Variants in HS2ST1 observed in about 807,000 individuals in gnomAD.
The protein encoded by HS2ST1 is 2-O-sulfotransferase.
HS2ST1 carries 18 observed loss-of-function variants against 42.9 expected under a neutral mutation model. That is an observed-to-expected ratio of 0.42 (90% CI 0.29 to 0.62). The LOEUF is 0.62. Among genes scored for constraint, HS2ST1 ranks in the 20% least tolerant of loss-of-function variants. The pLI is 0.21. For missense variants in HS2ST1, 334 were observed against 433.8 expected (o/e 0.77, Z 2.04); for synonymous variants, 146 against 152.9 (o/e 0.95, Z 0.33).
At chr1:87,084,836 GTCACTCAC>G (rs66857719) in intron 3 of HS2ST1, among the ~76,000 whole-genome samples, 33 of 143,152 alleles carry the variant, frequency 2.3e-4, no homozygotes, top group East Asian at 4.1e-4. Flanking sequence ...CTCCCTCCCT[GTCACTCAC>G]TCACTCACTC....
chr1:87,101,285 C>T (rs948439086), intron 5 of HS2ST1, among the ~76,000 whole-genome samples: 5 of 150,952 alleles, frequency 3.3e-5, no homozygotes, highest in African/African-American at 1.2e-4. Context: ...CCTGCCTCAG[C>T]CTCCTGAGTA....
chr1:87,089,036 C>T (rs1028776529), intron 3 of HS2ST1, among the ~76,000 whole-genome samples: 2 of 151,968 alleles, frequency 1.3e-5, no homozygotes, highest in African/African-American at 4.8e-5. Flanking sequence ...CATAATGATT[C>T]CCAAAGGCCA....
chr1:87,086,138 G>A (rs1021294716), intron 3 of HS2ST1, among the ~76,000 whole-genome samples: 1 of 152,100 alleles, frequency 6.6e-6, no homozygotes, highest in Non-Finnish European at 1.5e-5. Context: ...CTCCATAAAT[G>A]GGGAAGGAAA....
At chr1:86,992,834 A>C (rs936404410) in intron 1 of HS2ST1, among the ~76,000 whole-genome samples, 5 of 152,244 alleles carry the variant, frequency 3.3e-5, no homozygotes, top group Non-Finnish European at 7.3e-5. Flanking sequence ...GGAAATGAAG[A>C]CCTGAAGTAG....
intron 1 of HS2ST1, among the ~76,000 whole-genome samples, chr1:87,028,409 T>C (rs1239096620): frequency 6.6e-6 from 1 of 152,226 alleles, no homozygotes; most frequent in Non-Finnish European, 1.5e-5. Context: ...ATAGTTTTAC[T>C]GTCTTAAAAA....
rs1024642877 is a variant in HS2ST1 at position 87,044,861 on chromosome 1, A to C, written c.125-28073A>C. 7.6e-5 allele frequency: 74 copies of C among 972,428 alleles called. No individual in the cohort carries two copies. The African/African-American group carries it at 1.1e-3, about 15-fold the overall frequency. The allele number at this position is 972,428 out of a possible 1,614,324, so 60.2% of individuals were successfully genotyped here. A position where few individuals can be genotyped will look rare whatever the true frequency, so the allele number is the denominator to read the frequency against. On this transcript the variant is annotated intron_variant, in intron 1 of 6. Coordinates refer to ENST00000370550, the MANE Select transcript of HS2ST1 (RefSeq NM_012262.4). ...TTTTTTCCCCTTTGGAACAAAGGAC[A>C]TAACAAATAATCTGGTTCTGCCTAG...
At chr1:87,062,067 A>G (rs1651134015) in intron 1 of HS2ST1, among the ~76,000 whole-genome samples, 1 of 151,922 alleles carries the variant, frequency 6.6e-6, no homozygotes, top group African/African-American at 2.4e-5. Flanking sequence ...TCATTTGTAT[A>G]TCTTCTTTGA....
chr1:86,999,321 G>A (rs1267015771), intron 1 of HS2ST1, among the ~76,000 whole-genome samples: 1 of 152,066 alleles, frequency 6.6e-6, no homozygotes, highest in African/African-American at 2.4e-5. Context: ...TGGGATTACA[G>A]GCATGCACCG....
chr1:87,062,646 T>C (rs899705476), intron 1 of HS2ST1, among the ~76,000 whole-genome samples: 2 of 152,208 alleles, frequency 1.3e-5, no homozygotes, highest in Non-Finnish European at 2.9e-5. Context: ...TGTTTGTTCT[T>C]TCTGATGTTT....
intron 2 of HS2ST1, among the ~76,000 whole-genome samples, chr1:87,079,367 A>T (rs1209698772): frequency 6.6e-6 from 1 of 152,074 alleles, no homozygotes; most frequent in East Asian, 1.9e-4. Flanking sequence ...CAAACCCCTG[A>T]GCTCAGGAAG....
chr1:87,019,829 A>G (rs543315576), intron 1 of HS2ST1, among the ~76,000 whole-genome samples: 5 of 152,210 alleles, frequency 3.3e-5, no homozygotes, highest in Non-Finnish European at 7.4e-5. Context: ...ATTTCAAAGC[A>G]GAGTAACTGA....
chr1:87,077,535 A>G (rs1651576577), intron 2 of HS2ST1, among the ~76,000 whole-genome samples: 1 of 152,176 alleles, frequency 6.6e-6, no homozygotes, highest in African/African-American at 2.4e-5. Flanking sequence ...CTTCTAAGTT[A>G]CTGTGTACTG....
At chr1:87,067,089 T>C (rs1279434545) in intron 1 of HS2ST1, among the ~76,000 whole-genome samples, 1 of 152,224 alleles carries the variant, frequency 6.6e-6, no homozygotes, top group Non-Finnish European at 1.5e-5. Flanking sequence ...ATATACCCAG[T>C]AATGGGATTG....
At chr1:86,990,093 T>A (rs978839390) in intron 1 of HS2ST1, among the ~76,000 whole-genome samples, 3 of 152,092 alleles carry the variant, frequency 2.0e-5, no homozygotes, top group African/African-American at 7.2e-5. Flanking sequence ...AGTAATGGGA[T>A]TGCTGGGTCA....
intron 1 of HS2ST1, chr1:86,934,960 T>C (rs910422700): frequency 2.9e-5 from 4 of 136,986 alleles, no homozygotes; most frequent in Non-Finnish European, 6.2e-5. Context: ...AAAGAGTTAC[T>C]GATTTTCAGT....
chr1:87,032,626 A>T (rs180990117), intron 1 of HS2ST1, among the ~76,000 whole-genome samples: 3 of 152,312 alleles, frequency 2.0e-5, no homozygotes, highest in Non-Finnish European at 4.4e-5. Flanking sequence ...CAGCAGTTAC[A>T]GCTCTTTACT....
intron 1 of HS2ST1, among the ~76,000 whole-genome samples, chr1:86,921,576 A>G (rs1029783501): frequency 2.6e-5 from 4 of 152,108 alleles, no homozygotes; most frequent in Admixed American, 2.6e-4. Context: ...ATACTGTTAT[A>G]AAAGAGCTTG....
rs191634409 is a variant in HS2ST1 at position 87,017,582 on chromosome 1, C to T, written c.125-55352C>T. ...TGATAGGCATAGTAAGAGAAGACAG[C>T]GGGCACAGTCATTCGTCTTTTGTTT... is the stretch of plus-strand genomic sequence containing the variant. On this transcript the variant is annotated intron_variant, in intron 1 of 6. Transcript: ENST00000370550. 1.5e-4 allele frequency among the ~76,000 whole-genome samples: 23 copies of T among 152,244 alleles called. No homozygotes were observed. The East Asian group carries it at 2.1e-3, about 14-fold the overall frequency.
intron 1 of HS2ST1, among the ~76,000 whole-genome samples, chr1:86,924,334 C>T (rs1660366752): frequency 6.6e-6 from 1 of 152,198 alleles, no homozygotes; most frequent in South Asian, 2.1e-4. Context: ...TTTCCAGGTG[C>T]ACGGTGCAAA....
Sources: gnomAD v4.1 joint callset for allele counts (sites outside exome capture counted in the v4.1 genomes callset) on GRCh38, gnomAD v4.1.1 for gene constraint, MANE v1.5 for transcripts, NCBI Gene and HGNC (gene_info 2026-07-23, HGNC 2026-07-21) for gene names.